The following DNM3 variants were observed in gnomAD, a reference collection of about 807,000 sequenced individuals.
The protein encoded by DNM3 is dynamin 3.
Under a neutral mutation model 101.6 loss-of-function variants are expected in DNM3, and 47 were observed. That is an observed-to-expected ratio of 0.46 (90% CI 0.37 to 0.59). The LOEUF (loss-of-function observed/expected upper bound fraction) is 0.59. DNM3 is among the 20% of genes least tolerant of loss of function. DNM3 has a pLI of 0.00. For synonymous variants in DNM3, 385 were observed against 387.9 expected (o/e 0.99, Z 0.09); for missense variants, 849 against 1,085.7 (o/e 0.78, Z 3.06).
rs976629110 is a variant in DNM3 at position 172,174,262 on chromosome 1, CT to C, written c.1659+42981del. On this transcript the variant is annotated intron_variant, in intron 14 of 20. Coordinates refer to ENST00000627582, the MANE Select transcript of DNM3 (RefSeq NM_015569.5). The stretch of plus-strand genomic sequence containing the variant: ...GAGTATAGAATGATTTTTTTTTCTC[CT>C]TTTTTTCCTGGGCTTGAGTCCATCA... Among the ~76,000 whole-genome samples, 3 of 151,114 alleles carry C rather than the reference CT, an allele frequency of 2.0e-5. No individual in the cohort carries two copies. In the Admixed American group the frequency reaches 2.0e-4, roughly 10 times the overall value.
intron 10 of DNM3, among the ~76,000 whole-genome samples, chr1:172,063,361 C>T (rs2051396594): frequency 6.8e-6 from 1 of 147,616 alleles, no homozygotes; most frequent in African/African-American, 2.6e-5. Context: ...ATAGAAATGT[C>T]TCCCAAGTGT....
At chr1:172,381,026 T>A (rs1293955514) in intron 18 of DNM3, 1 of 148,000 alleles carries the variant, frequency 6.8e-6, no homozygotes, top group Non-Finnish European at 1.5e-5. Context: ...TCTATCCTAC[T>A]TTCACCTTCT....
chr1:172,414,326 A>G (rs1164002938), downstream of DNM3, among the ~76,000 whole-genome samples: 1 of 152,258 alleles, frequency 6.6e-6, no homozygotes, highest in African/African-American at 2.4e-5. Context: ...AAAATTTCTC[A>G]AAGTGCATTC....
chr1:171,851,114 CTT>C (rs2032902419), intron 1 of DNM3, among the ~76,000 whole-genome samples: 1 of 152,156 alleles, frequency 6.6e-6, no homozygotes, highest in African/African-American at 2.4e-5. Flanking sequence ...ATCTGCTGGT[CTT>C]CTCAGCTCTA....
chr1:171,851,974 C>T (rs1032268287), intron 1 of DNM3, among the ~76,000 whole-genome samples: 1 of 152,136 alleles, frequency 6.6e-6, no homozygotes, highest in African/African-American at 2.4e-5. Context: ...TACTTCTAGT[C>T]ATTTATTTGG....
intron 1 of DNM3, among the ~76,000 whole-genome samples, chr1:171,847,558 G>C (rs962130125): frequency 6.6e-6 from 1 of 152,030 alleles, no homozygotes; most frequent in African/African-American, 2.4e-5. Flanking sequence ...AGATTGGAGA[G>C]ATTAAAAATA....
At chr1:171,871,063 A>G (rs151325369) in intron 1 of DNM3, among the ~76,000 whole-genome samples, 224 of 152,350 alleles carry the variant, frequency 1.5e-3, no homozygotes, top group Admixed American at 2.5e-3. Context: ...GCAAGATTCC[A>G]AAAGATCTCA....
At chr1:172,129,369 G>T (rs1429035846) in intron 13 of DNM3, among the ~76,000 whole-genome samples, 3 of 152,152 alleles carry the variant, frequency 2.0e-5, no homozygotes, top group East Asian at 1.9e-4. Flanking sequence ...CATTCATTTG[G>T]AATGGTAGGT....
chr1:172,196,986 C>T (rs370073404), intron 14 of DNM3, among the ~76,000 whole-genome samples: 1 of 152,002 alleles, frequency 6.6e-6, no homozygotes, highest in African/African-American at 2.4e-5. Context: ...TTTGCCTTTT[C>T]CTATGTCCAG....
At chr1:171,975,558 C>T (rs1245438357) in intron 2 of DNM3, among the ~76,000 whole-genome samples, 2 of 152,124 alleles carry the variant, frequency 1.3e-5, no homozygotes, top group Non-Finnish European at 2.9e-5. Flanking sequence ...AAGTTTAATA[C>T]GTTTATCAGA....
chr1:171,982,652 A>C (rs1421341425), intron 2 of DNM3, among the ~76,000 whole-genome samples: 2 of 100,756 alleles, frequency 2.0e-5, no homozygotes, highest in Non-Finnish European at 4.2e-5. Flanking sequence ...TTTTGCATGC[A>C]TGTGTGTGTT....
intron 1 of DNM3, 108 bp from the exon 2 acceptor site, chr1:171,921,640 T>C: frequency 1.2e-6 from 1 of 845,018 alleles, no homozygotes; most frequent in Non-Finnish European, 1.9e-6. Flanking sequence ...GGATAAGCGA[T>C]ACATTGAAAG....
Position 172,297,142 on chromosome 1 carries a change from CAAA to C in DNM3, c.1770-11570_1770-11568del, listed in dbSNP as rs767532426. Among the ~76,000 whole-genome samples the C allele has an allele frequency of 3.3e-3, 371 of 110,976 alleles. 3 individuals carry two copies. The highest frequency in any genetic ancestry group is 0.011 in the Middle Eastern group (2 of 182). The allele number at this position is 110,976 out of a possible 152,430, so 72.8% of individuals were successfully genotyped here. On this transcript the variant is annotated intron_variant, in intron 15 of 20. Coordinates refer to ENST00000627582, the MANE Select transcript of DNM3 (RefSeq NM_015569.5). ...GGGGCAACAGAGCAAAACTCCATCTCAAAAAAAAAAAAAAAAAATAGCATCTTA... is the reference window on the plus strand; with the variant it reads ...GGGGCAACAGAGCAAAACTCCATCTCAAAAAAAAAAAAAAATAGCATCTTA...
chr1:172,404,284 C>T (rs1323421271), intron 20 of DNM3, among the ~76,000 whole-genome samples: 4 of 152,042 alleles, frequency 2.6e-5, no homozygotes, highest in Non-Finnish European at 5.9e-5. Context: ...CTATTAAATG[C>T]ATGTCCCTAG....
chr1:172,315,784 G>A (rs532181193), intron 16 of DNM3, among the ~76,000 whole-genome samples: 18 of 152,308 alleles, frequency 1.2e-4, no homozygotes, highest in Middle Eastern at 3.4e-3. Context: ...ACAGTGACGG[G>A]GAGAATGGAA....
intron 2 of DNM3, among the ~76,000 whole-genome samples, chr1:171,934,203 A>G (rs2041240505): frequency 1.3e-5 from 2 of 152,254 alleles, no homozygotes; most frequent in East Asian, 3.8e-4. Context: ...TTTAAAGCAT[A>G]ACAAATAGGT....
At chr1:171,880,268 AT>A (rs1417046056) in intron 1 of DNM3, among the ~76,000 whole-genome samples, 1 of 148,218 alleles carries the variant, frequency 6.7e-6, no homozygotes, top group South Asian at 2.2e-4. Flanking sequence ...TTTAAAATAT[AT>A]TTTTTTGTTT....
chr1:172,410,301 G>A lies in DNM3; in HGVS notation c.*2460G>A. On this transcript the variant is annotated 3_prime_UTR_variant, in exon 21 of 21. Transcript: ENST00000627582. ...GTTTGACGTGCAGCATGCACACCAG[G>A]CCTTAAGATGGGAATGTAGCTTAAT... The A allele has an allele frequency of 1.0e-6, 1 of 985,298 alleles. No homozygotes were observed. The highest frequency in any genetic ancestry group is 1.1e-4 in the East Asian group (1 of 8,816). The allele number at this position is 985,298 out of a possible 1,614,324, so 61.0% of individuals were successfully genotyped here. A position where few individuals can be genotyped will look rare whatever the true frequency, so the allele number is the denominator to read the frequency against.
intron 14 of DNM3, among the ~76,000 whole-genome samples, chr1:172,147,774 ATTAATCATCATTATCCATTCCAACTTC>A (rs2057968630): frequency 6.6e-6 from 1 of 152,140 alleles, no homozygotes; most frequent in Non-Finnish European, 1.5e-5. Flanking sequence ...CAAGAAAAAA[ATTAATCATCATTATCCATTCCAACTTC>A]TTAATCATCA....
Sources: gnomAD v4.1 joint callset for allele counts (sites outside exome capture counted in the v4.1 genomes callset) on GRCh38, gnomAD v4.1.1 for gene constraint, MANE v1.5 for transcripts, NCBI Gene and HGNC (gene_info 2026-07-23, HGNC 2026-07-21) for gene names.